Variants in ANKH observed in about 807,000 individuals in gnomAD.
ANKH encodes ANKH inorganic pyrophosphate transport regulator.
In ANKH, 15 loss-of-function variants were observed where a neutral mutation model predicts 49.0. The observed-to-expected ratio is 0.31, with a 90% CI of 0.20 to 0.47. The LOEUF (loss-of-function observed/expected upper bound fraction) is 0.47. ANKH is among the 20% of genes least tolerant of loss of function. The probability of loss-of-function intolerance (pLI) is 1.00; values close to 1 mark genes in which losing one functional copy is unlikely to be tolerated. For synonymous variants in ANKH, 273 were observed against 260.0 expected, an observed-to-expected ratio of 1.05 and a Z score of -0.48; for missense variants, 429 against 652.0, an observed-to-expected ratio of 0.66 and a Z score of 3.72.
At chr5:14,732,719 G>A (rs535231419) in intron 8 of ANKH, among the ~76,000 whole-genome samples, 5 of 152,112 alleles carry the variant, frequency 3.3e-5, no homozygotes, top group Non-Finnish European at 7.4e-5. Flanking sequence ...TGTTGCCTCT[G>A]TGTGGCATCT....
At chr5:14,776,371 G>A (rs1739621685) in intron 1 of ANKH, among the ~76,000 whole-genome samples, 1 of 152,158 alleles carries the variant, frequency 6.6e-6, no homozygotes, top group East Asian at 1.9e-4. Flanking sequence ...GTCGGTCTGG[G>A]CTATGGATAT....
At chr5:14,741,547 C>A (rs1173317781) in intron 8 of ANKH, 3 of 322,624 alleles carry the variant, frequency 9.3e-6, no homozygotes, top group Non-Finnish European at 1.1e-5. Context: ...AATTTTTCAG[C>A]AAGACAAGTG....
rs895589239 is a variant in ANKH, at chr5:14,818,856, G to A, written c.97-49665C>T. Among the ~76,000 whole-genome samples the A allele has an allele frequency of 2.6e-5, 4 of 152,030 alleles. No individual in the cohort carries two copies. In the South Asian group the frequency reaches 8.3e-4, roughly 32 times the overall value. ...CGACTCTTTGAAATGTGCACACAAT[G>A]GACACTTAGTAGAGGATACCTTCAG... On this transcript the variant is annotated intron_variant, in intron 1 of 11. Transcript: ENST00000284268.
At chr5:14,744,188 G>A (rs149554) in intron 7 of ANKH, among the ~76,000 whole-genome samples, 46,012 of 152,122 alleles carry the variant, frequency 0.3, 8,178 homozygotes, top group African/African-American at 0.5. Context: ...AGTGACTCAT[G>A]CCTTCTGAGT....
chr5:14,848,258 G>A (rs1214842986), intron 1 of ANKH, among the ~76,000 whole-genome samples: 2 of 152,300 alleles, frequency 1.3e-5, no homozygotes, highest in East Asian at 3.9e-4. Context: ...AACCAATCAG[G>A]TAGTGAAGAG....
Position 14,768,974 on chromosome 5 carries a change from C to G in ANKH, c.313+1G>C. 6.2e-7 allele frequency: 1 copy of G among 1,614,128 alleles called. No individual in the cohort carries two copies. The highest frequency in any genetic ancestry group is 8.5e-7 in the Non-Finnish European group (1 of 1,179,990). Reference sequence around the variant, plus strand: ...TCGTCAGTGGCGGTCGGCGGCCTCACCTATCAGTGTGTGAAAGACGGCAGC... The same window carrying G: ...TCGTCAGTGGCGGTCGGCGGCCTCAGCTATCAGTGTGTGAAAGACGGCAGC... On this transcript the variant is annotated splice_donor_variant, in intron 2 of 11. Transcript: ENST00000284268. LOFTEE classifies it high-confidence loss of function.
intron 1 of ANKH, among the ~76,000 whole-genome samples, chr5:14,827,533 G>A (rs1284389086): frequency 6.6e-6 from 1 of 152,186 alleles, no homozygotes; most frequent in East Asian, 1.9e-4. Flanking sequence ...TGAGAAGAAG[G>A]CTGTGGCTGT....
chr5:14,871,578 G>T lies in ANKH; in HGVS notation c.-131C>A. On this transcript the variant is annotated 5_prime_UTR_variant, in exon 1 of 12. Transcript: ENST00000284268. Reference sequence around the variant, plus strand: ...GAGGCCGCGGGCGGCGGGGCCTCGGGCGCGGCGGCGGCGGCTCCTCCTCGC... The same window carrying T: ...GAGGCCGCGGGCGGCGGGGCCTCGGTCGCGGCGGCGGCGGCTCCTCCTCGC... 1 of 359,750 alleles carries T rather than the reference G, an allele frequency of 2.8e-6. No homozygotes were observed. The highest frequency in any genetic ancestry group is 4.0e-6 in the Non-Finnish European group (1 of 248,084). The allele number at this position is 359,750 out of a possible 1,614,324, so 22.3% of individuals were successfully genotyped here.
At chr5:14,865,747 AG>A (rs1735626462) in intron 1 of ANKH, among the ~76,000 whole-genome samples, 1 of 152,056 alleles carries the variant, frequency 6.6e-6, no homozygotes, top group Non-Finnish European at 1.5e-5. Context: ...CTTTGGGAGG[AG>A]GTGTGGAGAG....
At chr5:14,716,643 A>G (rs1580002129) in intron 9 of ANKH, 63 bp downstream of exon 9, 2 of 1,605,702 alleles carry the variant, frequency 1.2e-6, no homozygotes, top group Non-Finnish European at 1.7e-6. Context: ...AACATTTCCA[A>G]AGAAAGATTT....
intron 3 of ANKH, among the ~76,000 whole-genome samples, chr5:14,756,964 CT>C (rs928298180): frequency 1.9e-4 from 29 of 152,276 alleles, no homozygotes; most frequent in African/African-American, 6.3e-4. Context: ...CAGAAACTCT[CT>C]TATGGCAAAT....
chr5:14,740,513 C>A (rs145411103), intron 8 of ANKH, among the ~76,000 whole-genome samples: 1 of 152,136 alleles, frequency 6.6e-6, no homozygotes, highest in African/African-American at 2.4e-5. Flanking sequence ...AGGTTCCCAA[C>A]GCCCCCGTGT....
chr5:14,793,060 A>AAAT (rs1395909239), intron 1 of ANKH, among the ~76,000 whole-genome samples: 3 of 36,052 alleles, frequency 8.3e-5, no homozygotes, highest in African/African-American at 7.9e-5. Flanking sequence ...ATATATATAA[A>AAAT]ATATATATAA....
chr5:14,811,218 G>GCTTCATATTC (rs1740873197), intron 1 of ANKH, among the ~76,000 whole-genome samples: 1 of 148,520 alleles, frequency 6.7e-6, no homozygotes, highest in East Asian at 1.9e-4. Context: ...AAGCTCAGCC[G>GCTTCATATTC]CTTCATATTC....
intron 1 of ANKH, among the ~76,000 whole-genome samples, chr5:14,831,780 AGT>A (rs1012121227): frequency 1.3e-5 from 2 of 152,228 alleles, no homozygotes; most frequent in African/African-American, 4.8e-5. Flanking sequence ...AATTGAAAAC[AGT>A]GTTTTCCTCA....
chr5:14,758,131 G>T (rs545684237), intron 3 of ANKH, among the ~76,000 whole-genome samples: 1 of 152,338 alleles, frequency 6.6e-6, no homozygotes, highest in South Asian at 2.1e-4. Flanking sequence ...CTACTACATT[G>T]TTAAACTCTG....
At chr5:14,783,462 G>T (rs1242494982) in intron 1 of ANKH, among the ~76,000 whole-genome samples, 3 of 152,186 alleles carry the variant, frequency 2.0e-5, no homozygotes, top group Non-Finnish European at 4.4e-5. Context: ...CCATGCTACT[G>T]TTATTGGTTT....
chr5:14,749,899 G>A (rs774195031), intron 5 of ANKH, among the ~76,000 whole-genome samples: 2 of 152,210 alleles, frequency 1.3e-5, no homozygotes, highest in Non-Finnish European at 2.9e-5. Context: ...CAAAGGTGTG[G>A]AATATCTTTA....
At chr5:14,819,904 C>T (rs1741149488) in intron 1 of ANKH, among the ~76,000 whole-genome samples, 1 of 42,078 alleles carries the variant, frequency 2.4e-5, no homozygotes, top group African/African-American at 8.1e-5. Context: ...AAAATATACA[C>T]ACACACACAC....
Sources: allele counts gnomAD v4.1 joint callset (sites outside exome capture counted in the v4.1 genomes callset), GRCh38; gene constraint gnomAD v4.1.1; transcripts MANE v1.5; gene names NCBI Gene and HGNC (gene_info 2026-07-23, HGNC 2026-07-21).